Variants in TJAP1 observed in about 807,000 individuals in gnomAD.
TJAP1 encodes tight junction associated protein 1.
TJAP1 carries 27 observed loss-of-function variants against 42.0 expected under a neutral mutation model. That is an observed-to-expected ratio of 0.64 (90% CI 0.47 to 0.89). The LOEUF is 0.89. Among genes scored for constraint, TJAP1 ranks in the 40% least tolerant of loss-of-function variants. The pLI, the probability that TJAP1 is intolerant of heterozygous loss-of-function variation, is 0.00. For missense variants in TJAP1, 712 were observed against 726.9 expected, an observed-to-expected ratio of 0.98 and a Z score of 0.24; for synonymous variants, 257 against 288.4, an observed-to-expected ratio of 0.89 and a Z score of 1.10.
Position 43,491,314 on chromosome 6 carries a change from G to C in TJAP1, c.-121-6567G>C, listed in dbSNP as rs925227017. ...GTTTTTTTGGGTTTTTTTTGAGACA[G>C]AGTTTCGCTCTTGTTGCCCAGGCTG... On this transcript the variant is annotated intron_variant, in intron 2 of 10. Transcript: ENST00000372449. This position sits in a 1 kb window ranked among gnomAD's most constrained non-coding sequence, Gnocchi z 4.6. Among the ~76,000 whole-genome samples the C allele has an allele frequency of 6.6e-6, 1 of 152,174 alleles. No homozygotes were observed. The highest frequency in any genetic ancestry group is 1.5e-5 in the Non-Finnish European group (1 of 68,030).
intron 3 of TJAP1, 88 bp from the exon 4 acceptor site, chr6:43,498,890 A>G (rs901435468): frequency 2.0e-5 from 29 of 1,416,166 alleles, no homozygotes; most frequent in Middle Eastern, 3.8e-4. Flanking sequence ...GCCTCAACAT[A>G]TGTCCCCTTT....
At chr6:43,483,588 G>A (rs560312724) in intron 2 of TJAP1, among the ~76,000 whole-genome samples, 2 of 152,264 alleles carry the variant, frequency 1.3e-5, no homozygotes, top group South Asian at 2.1e-4. Flanking sequence ...CTGTAGACAG[G>A]GGACTTTGCA....
exon 9 of TJAP1, chr6:43,503,457 C>T (rs1451429912): frequency 1.2e-6 from 2 of 1,614,036 alleles, no homozygotes; most frequent in Non-Finnish European, 1.7e-6. Flanking sequence ...TGGAGCTGAC[C>T]AACAAGCTGC....
chr6:43,490,206 G>A (rs529896865), intron 2 of TJAP1, among the ~76,000 whole-genome samples: 136 of 152,350 alleles, frequency 8.9e-4, no homozygotes, highest in African/African-American at 3.1e-3. Context: ...TGCTGTGGGT[G>A]GGGATGTGCC....
chr6:43,489,824 A>G (rs577450399), intron 2 of TJAP1: 50 of 152,358 alleles, frequency 3.3e-4, no homozygotes, highest in African/African-American at 1.2e-3. Flanking sequence ...GATGCTTCCC[A>G]TCAGGAGAGT....
chr6:43,502,026 C>T (rs1475564451), intron 6 of TJAP1, among the ~76,000 whole-genome samples: 1 of 110,138 alleles, frequency 9.1e-6, no homozygotes, highest in Non-Finnish European at 1.7e-5. Flanking sequence ...TGGATAAGTT[C>T]TGCAGGTGTG....
chr6:43,500,579 C>G (rs1790302336), intron 4 of TJAP1, 165 bp from the exon 5 acceptor site: 1 of 678,402 alleles, frequency 1.5e-6, no homozygotes, highest in Non-Finnish European at 2.6e-6. Context: ...GAGGCTTGTC[C>G]CAGCATTACT....
chr6:43,500,694 G>A (rs771440384), intron 4 of TJAP1, 50 bp from the exon 5 acceptor site: 18 of 1,611,754 alleles, frequency 1.1e-5, no homozygotes, highest in Admixed American at 1.7e-5. Context: ...TGAGCCAGCC[G>A]GGGGTCCAGT....
At chr6:43,486,801 C>T (rs1223635999) in intron 2 of TJAP1, among the ~76,000 whole-genome samples, 2 of 152,182 alleles carry the variant, frequency 1.3e-5, no homozygotes, top group African/African-American at 2.4e-5. Context: ...CCCATCTAGG[C>T]GTACTCAGTG....
intron 2 of TJAP1, chr6:43,496,912 G>C (rs925032821): frequency 1.3e-5 from 2 of 152,280 alleles, no homozygotes; most frequent in Non-Finnish European, 2.9e-5. Context: ...ACCTCAGGAG[G>C]CCGGAGGGGC....
At chr6:43,498,722 G>A (rs1290397781) in intron 3 of TJAP1, among the ~76,000 whole-genome samples, 1 of 152,166 alleles carries the variant, frequency 6.6e-6, no homozygotes, top group Non-Finnish European at 1.5e-5. Flanking sequence ...TAGAACCTAG[G>A]TGTTCAGGCC....
At chr6:43,481,482 AC>A (rs60749220) in intron 2 of TJAP1, among the ~76,000 whole-genome samples, 8,985 of 123,714 alleles carry the variant, frequency 0.073, 771 homozygotes, top group African/African-American at 0.21. Context: ...GCAAGACATC[AC>A]CCCCCCCCCA....
At position 43,503,656 on chromosome 6, in the gene TJAP1, C is replaced by T. The variant is rs1359614011; in HGVS notation, c.529C>T (p.Gln177Ter). The T allele has an allele frequency of 9.9e-6, 16 of 1,614,010 alleles. No individual in the cohort carries two copies. The highest frequency in any genetic ancestry group is 1.3e-5 in the African/African-American group (1 of 74,892). ...CCGGCTGGACTGCAACCTGGCTGTA[C>T]AGCTCCTCAAGTGCAACAAGTCCCA... Residue 177 changes from glutamine to a stop codon, truncating the protein, a stop_gained, in exon 10 of 11, where the codon CAG becomes TAG. Coordinates refer to ENST00000372449, the Ensembl canonical transcript of TJAP1. LOFTEE classifies it high-confidence loss of function.
intron 2 of TJAP1, among the ~76,000 whole-genome samples, chr6:43,484,843 G>A (rs144291208): frequency 0.018 from 2,811 of 152,198 alleles, 35 homozygotes; most frequent in South Asian, 0.039. Context: ...CTCCTGCCTC[G>A]GCCTCCTGAG....
chr6:43,504,385 G>C, intron 10 of TJAP1: 1 of 253,500 alleles, frequency 3.9e-6, no homozygotes, highest in Admixed American at 5.1e-5. Context: ...AAAGTGCTGG[G>C]ATTACAGGCA....
intron 2 of TJAP1, among the ~76,000 whole-genome samples, chr6:43,496,282 C>T (rs896934969): frequency 3.9e-5 from 6 of 152,174 alleles, no homozygotes; most frequent in Non-Finnish European, 5.9e-5. Context: ...TCCACATACC[C>T]AGGTGGGTTT....
intron 2 of TJAP1, among the ~76,000 whole-genome samples, chr6:43,481,482 A>ACCC (rs60749220): frequency 4.0e-5 from 5 of 123,734 alleles, no homozygotes; most frequent in Admixed American, 1.7e-4. Flanking sequence ...GCAAGACATC[A>ACCC]CCCCCCCCCC....
intron 8 of TJAP1, 196 bp from the exon 9 acceptor site, chr6:43,503,205 C>T (rs1443162093): frequency 5.1e-6 from 3 of 592,002 alleles, no homozygotes; most frequent in African/African-American, 3.7e-5. Flanking sequence ...GCTAAGAAAG[C>T]CCCCACCCCA....
chr6:43,501,019 C>G, intron 5 of TJAP1: 1 of 542,188 alleles, frequency 1.8e-6, no homozygotes, highest in Non-Finnish European at 3.3e-6. Flanking sequence ...GGGCCCTGCT[C>G]TTCTTGCTAA....
Sources: gnomAD v4.1 joint callset for allele counts (sites outside exome capture counted in the v4.1 genomes callset) on GRCh38, gnomAD v4.1.1 for gene constraint, Gnocchi (gnomAD v3.1) non-coding constraint, MANE v1.5 for transcripts, NCBI Gene and HGNC (gene_info 2026-07-23, HGNC 2026-07-21) for gene names.